RBFOX1: variants seen among roughly 807,000 people sequenced by gnomAD.
RBFOX1 encodes the protein RNA binding protein fox-1 homolog 1.
Under a neutral mutation model 57.7 loss-of-function variants are expected in RBFOX1, and 8 were observed. The observed-to-expected ratio is 0.14, with a 90% CI of 0.08 to 0.25. The LOEUF (loss-of-function observed/expected upper bound fraction) is 0.25, where lower values mean the gene tolerates loss of function less well. RBFOX1 is among the 10% of genes least tolerant of loss of function. RBFOX1 has a pLI of 1.00. For synonymous variants in RBFOX1, 326 were observed against 222.4 expected, an observed-to-expected ratio of 1.47 and a Z score of -4.15; for missense variants, 611 against 548.5, an observed-to-expected ratio of 1.11 and a Z score of -1.14.
rs376118656 is a variant in RBFOX1 at position 5,529,077 on chromosome 16, G to A, written c.258+61823G>A. 4.6e-5 allele frequency among the ~76,000 whole-genome samples: 7 copies of A among 152,134 alleles called. No individual in the cohort carries two copies. In the South Asian group the frequency reaches 8.3e-4, roughly 18 times the overall value. On this transcript the variant is annotated intron_variant, in intron 2 of 2. Coordinates refer to the RBFOX1 transcript ENST00000585867. The stretch of plus-strand genomic sequence containing the variant: ...CCAAGACCTGCTTTCTCTCTCATCA[G>A]TGTCCATAAGATCTTCCTCCTCAGC...
chr16:6,790,994 C>T (rs1349945109), intron 3 of RBFOX1, among the ~76,000 whole-genome samples: 1 of 151,924 alleles, frequency 6.6e-6, no homozygotes, highest in East Asian at 1.9e-4. Flanking sequence ...CGTCTTCTGG[C>T]TCTCAGGTTC....
chr16:5,279,843 G>A (rs1479075646), intron 1 of RBFOX1, among the ~76,000 whole-genome samples: 1 of 152,154 alleles, frequency 6.6e-6, no homozygotes, highest in Non-Finnish European at 1.5e-5. Context: ...GAGTCTTTGG[G>A]TTTTTCTGTT....
intron 1 of RBFOX1, among the ~76,000 whole-genome samples, chr16:6,026,876 C>A (rs912647507): frequency 6.6e-6 from 1 of 152,208 alleles, no homozygotes; most frequent in African/African-American, 2.4e-5. Flanking sequence ...GGGCATCATG[C>A]AGTCACAGCT....
intron 4 of RBFOX1, among the ~76,000 whole-genome samples, chr16:7,087,171 G>T (rs143326993): frequency 2.1e-4 from 32 of 152,284 alleles, no homozygotes; most frequent in African/African-American, 7.0e-4. Flanking sequence ...GGGAAGCCGG[G>T]TTGCTGCACA....
chr16:6,308,489 A>G (rs1400557359), intron 1 of RBFOX1, among the ~76,000 whole-genome samples: 5 of 152,220 alleles, frequency 3.3e-5, no homozygotes, highest in African/African-American at 4.8e-5. Context: ...CTGTGTGTTG[A>G]CTTGACTGGT....
chr16:5,939,558 C>T (rs777286964), intron 4 of RBFOX1, among the ~76,000 whole-genome samples: 11 of 152,218 alleles, frequency 7.2e-5, no homozygotes, highest in Non-Finnish European at 1.6e-4. Flanking sequence ...GCCATGGATC[C>T]AAGAGAGAAG....
chr16:7,308,119 C>T (rs796141678), intron 4 of RBFOX1, among the ~76,000 whole-genome samples: 2 of 152,242 alleles, frequency 1.3e-5, no homozygotes, highest in African/African-American at 4.8e-5. Flanking sequence ...AACAGCCACA[C>T]ACACATGCAT....
At chr16:5,257,622 A>G (rs908877664) in intron 1 of RBFOX1, among the ~76,000 whole-genome samples, 8 of 152,138 alleles carry the variant, frequency 5.3e-5, no homozygotes, top group Admixed American at 2.0e-4. Context: ...CTGGAGGCGC[A>G]TTTACTAGTG....
chr16:5,494,039 C>T (rs1390055793), intron 2 of RBFOX1, among the ~76,000 whole-genome samples: 2 of 152,180 alleles, frequency 1.3e-5, no homozygotes, highest in African/African-American at 4.8e-5. Flanking sequence ...TGATTTACTT[C>T]TTAATGGAGC....
At chr16:7,295,474 G>C (rs2095870752) in intron 4 of RBFOX1, among the ~76,000 whole-genome samples, 1 of 152,058 alleles carries the variant, frequency 6.6e-6, no homozygotes, top group African/African-American at 2.4e-5. Flanking sequence ...CCATTTTTAT[G>C]ACTTATATAT....
intron 4 of RBFOX1, among the ~76,000 whole-genome samples, chr16:7,204,724 A>T (rs1567697049): frequency 6.6e-6 from 1 of 152,162 alleles, no homozygotes; most frequent in Non-Finnish European, 1.5e-5. Context: ...TTGTATTTTT[A>T]GAGCGAGGCT....
chr16:7,519,312 A>G (rs887444749), intron 5 of RBFOX1, among the ~76,000 whole-genome samples: 3 of 152,028 alleles, frequency 2.0e-5, no homozygotes, highest in African/African-American at 7.3e-5. Flanking sequence ...CTTCATTTTT[A>G]TTGCTGGACC....
chr16:7,693,489 A>G, intron 14 of RBFOX1: 1 of 760,338 alleles, frequency 1.3e-6, no homozygotes, highest in Non-Finnish European at 2.1e-6. Context: ...GAAAAAAAAA[A>G]AAGATCTTAT....
chr16:6,019,520 G>A lies in RBFOX1; in HGVS notation c.-599G>A, dbSNP rs1596418292. On this transcript the variant is annotated 5_prime_UTR_variant, in exon 1 of 16. Coordinates refer to ENST00000550418, the MANE Select transcript of RBFOX1 (RefSeq NM_018723.4). This position sits in a 1 kb window ranked among gnomAD's most constrained non-coding sequence, Gnocchi z 4.2. Reference sequence around the variant, plus strand: ...CCCAGCAGCACCCGCGGTGGGGCGGGGGCGCTCTGCCAGCCCCGGGAACAG... The same window carrying A: ...CCCAGCAGCACCCGCGGTGGGGCGGAGGCGCTCTGCCAGCCCCGGGAACAG... 4 of 1,056,298 alleles carry A rather than the reference G, an allele frequency of 3.8e-6. No homozygotes were observed. The highest frequency in any genetic ancestry group is 4.6e-6 in the Non-Finnish European group (4 of 875,928). 65.4% of individuals were successfully genotyped at this position (1,056,298 alleles called of 1,614,324 possible). A position where few individuals can be genotyped will look rare whatever the true frequency, so the allele number is the denominator to read the frequency against.
chr16:7,260,909 C>T (rs1028791882), intron 4 of RBFOX1, among the ~76,000 whole-genome samples: 4 of 152,082 alleles, frequency 2.6e-5, no homozygotes, highest in African/African-American at 9.7e-5. Flanking sequence ...GGGGTTGGAC[C>T]CATCATTACG....
chr16:5,336,759 C>A (rs974355460), intron 1 of RBFOX1, among the ~76,000 whole-genome samples: 2 of 152,186 alleles, frequency 1.3e-5, no homozygotes, highest in South Asian at 2.1e-4. Flanking sequence ...CTCCAGCCCC[C>A]CTCCTTCTGG....
chr16:6,126,989 G>T (rs563012793), intron 1 of RBFOX1, among the ~76,000 whole-genome samples: 20 of 152,170 alleles, frequency 1.3e-4, no homozygotes, highest in Non-Finnish European at 2.8e-4. Context: ...ATCGATATAG[G>T]ATGGTCGGGG....
intron 2 of RBFOX1, among the ~76,000 whole-genome samples, chr16:6,318,329 C>T (rs1390038092): frequency 6.6e-6 from 1 of 152,178 alleles, no homozygotes; most frequent in African/African-American, 2.4e-5. Context: ...CAGGCTTCGG[C>T]ATTTCTTGAA....
chr16:5,311,423 G>C (rs1297599240), intron 1 of RBFOX1, among the ~76,000 whole-genome samples: 1 of 151,786 alleles, frequency 6.6e-6, no homozygotes, highest in African/African-American at 2.4e-5. Context: ...CCCAGTAGTG[G>C]GATTGCTGAA....
Sources: allele counts gnomAD v4.1 joint callset (sites outside exome capture counted in the v4.1 genomes callset), GRCh38; gene constraint gnomAD v4.1.1; non-coding constraint Gnocchi (gnomAD v3.1); transcripts MANE v1.5; gene names NCBI Gene and HGNC (gene_info 2026-07-23, HGNC 2026-07-21).